CACNA1C: variants seen among roughly 807,000 people sequenced by gnomAD.
CACNA1C encodes the protein calcium voltage-gated channel subunit alpha1 C.
CACNA1C carries 30 observed loss-of-function variants against 229.0 expected under a neutral mutation model. The ratio of observed to expected loss-of-function variants is 0.13; its 90% CI spans 0.10 to 0.18. The LOEUF (loss-of-function observed/expected upper bound fraction) is 0.18. CACNA1C is among the 10% of genes least tolerant of loss of function. The probability of loss-of-function intolerance (pLI) is 1.00; values close to 1 mark genes in which losing one functional copy is unlikely to be tolerated. For synonymous variants in CACNA1C, 1,114 were observed against 1,132.5 expected (o/e 0.98, Z 0.33); for missense variants, 1,658 against 2,845.0 (o/e 0.58, Z 9.49).
intron 1 of CACNA1C, among the ~76,000 whole-genome samples, chr12:2,076,950 G>A (rs1477748317): frequency 6.6e-6 from 1 of 152,222 alleles, no homozygotes; most frequent in Non-Finnish European, 1.5e-5. Flanking sequence ...CCAGGAGAGG[G>A]CTGAAGCACT....
intron 3 of CACNA1C, among the ~76,000 whole-genome samples, chr12:2,447,264 T>A (rs2099307064): frequency 6.6e-6 from 1 of 152,178 alleles, no homozygotes; most frequent in South Asian, 2.1e-4. Flanking sequence ...CTGTGATTTG[T>A]TTGTGGTTCA....
intron 5 of CACNA1C, among the ~76,000 whole-genome samples, chr12:2,480,748 C>T (rs1361564866): frequency 6.6e-6 from 1 of 152,218 alleles, no homozygotes; most frequent in East Asian, 1.9e-4. Context: ...CTGATGAATT[C>T]TGTCATCAAG....
intron 1 of CACNA1C, among the ~76,000 whole-genome samples, chr12:2,030,104 G>A (rs528701534): frequency 4.6e-5 from 7 of 152,170 alleles, no homozygotes; most frequent in Non-Finnish European, 7.3e-5. Context: ...ATGTCATAAC[G>A]CGGATTACCA....
At chr12:2,115,105 C>A (rs1011690346) in intron 1 of CACNA1C, 119 bp from the exon 2 acceptor site, 1 of 779,202 alleles carries the variant, frequency 1.3e-6, no homozygotes, top group South Asian at 1.9e-5. Flanking sequence ...ACCTCCTAAC[C>A]GCCTGCAATA....
rs1555951183 is a variant in CACNA1C, at chr12:2,646,787, A to AGAGT, written c.3913-1686_3913-1683dup. On this transcript the variant is annotated intron_variant, in intron 30 of 46. Coordinates refer to ENST00000399655, the MANE Select transcript of CACNA1C (RefSeq NM_000719.7). This position sits in a 1 kb window ranked among gnomAD's most constrained non-coding sequence, Gnocchi z 4.6. ...GAGAGAAAGAGAGAGAGAGAGAGAGAGAGTGTGTGTGTGCGCGTGTGTGTG... is the reference window on the plus strand; with the variant it reads ...GAGAGAAAGAGAGAGAGAGAGAGAGAGAGTGAGTGTGTGTGTGCGCGTGTGTGTG... 2.2e-5 allele frequency among the ~76,000 whole-genome samples: 3 copies of AGAGT among 137,620 alleles called. No homozygotes were observed. The highest frequency in any genetic ancestry group is 3.1e-5 in the Non-Finnish European group (2 of 64,148). The allele number at this position is 137,620 out of a possible 152,430, so 90.3% of individuals were successfully genotyped here.
intron 9 of CACNA1C, among the ~76,000 whole-genome samples, chr12:2,522,241 A>G (rs996246722): frequency 2.0e-5 from 3 of 152,204 alleles, no homozygotes; most frequent in East Asian, 1.9e-4. Context: ...GTCTTGTTAT[A>G]TAGAAAGCTC....
chr12:2,284,052 C>A (rs546390425), intron 3 of CACNA1C, among the ~76,000 whole-genome samples: 2 of 152,122 alleles, frequency 1.3e-5, no homozygotes, highest in Non-Finnish European at 2.9e-5. Context: ...CAGCCAAGCA[C>A]GTCTTTCAAC....
intron 30 of CACNA1C, chr12:2,641,475 G>A (rs1468196512): frequency 1.8e-6 from 1 of 545,950 alleles, no homozygotes; most frequent in Non-Finnish European, 3.3e-6. Context: ...GGACAGCTGG[G>A]TGGGGCAGAG....
chr12:2,449,757 T>C (rs745557931), intron 4 of CACNA1C, among the ~76,000 whole-genome samples: 6 of 152,198 alleles, frequency 3.9e-5, no homozygotes, highest in Non-Finnish European at 5.9e-5. Context: ...TTAAGGACTT[T>C]CGTTTCATCT....
At chr12:2,033,375 C>T (rs922555692) in intron 1 of CACNA1C, among the ~76,000 whole-genome samples, 3 of 152,162 alleles carry the variant, frequency 2.0e-5, no homozygotes, top group African/African-American at 7.2e-5. Flanking sequence ...GCTCTGGCAT[C>T]CGACACCCTG....
At chr12:2,002,929 A>C (rs2042518299) in intron 1 of CACNA1C, among the ~76,000 whole-genome samples, 2 of 152,222 alleles carry the variant, frequency 1.3e-5, no homozygotes, top group Admixed American at 6.5e-5. Context: ...AAACAAAAAA[A>C]GTAGGTGACA....
At chr12:2,104,135 A>C (rs1441858793) in intron 1 of CACNA1C, among the ~76,000 whole-genome samples, 1 of 152,190 alleles carries the variant, frequency 6.6e-6, no homozygotes, top group East Asian at 1.9e-4. Flanking sequence ...TAGCTTGATA[A>C]GGATAGCATT....
chr12:2,558,788 T>C (rs929490), intron 11 of CACNA1C, among the ~76,000 whole-genome samples: 130,384 of 152,236 alleles, frequency 0.86, 56,228 homozygotes, highest in Non-Finnish European at 0.91. Context: ...CCACTTCTGA[T>C]ACCTTCTTTC....
intron 3 of CACNA1C, among the ~76,000 whole-genome samples, chr12:2,254,455 T>C (rs1221504034): frequency 1.3e-5 from 2 of 152,202 alleles, no homozygotes; most frequent in Non-Finnish European, 2.9e-5. Flanking sequence ...ATTTTCTGTT[T>C]TCCTCTTAGT....
At chr12:2,419,602 A>G (rs2098953346) in intron 3 of CACNA1C, among the ~76,000 whole-genome samples, 1 of 152,198 alleles carries the variant, frequency 6.6e-6, no homozygotes, top group Admixed American at 6.5e-5. Flanking sequence ...GGGCATAAGC[A>G]GGGGCCCCGC....
chr12:2,479,384 A>G lies in CACNA1C; in HGVS notation c.758-6720A>G, dbSNP rs1236879512. Among the ~76,000 whole-genome samples, 6 of 152,080 alleles carry G rather than the reference A, an allele frequency of 3.9e-5. No homozygotes were observed. Among genetic ancestry groups the G allele is most frequent in the African/African-American group, 1.4e-4 (6 of 41,422 alleles). ...CCTAAAGCCACTGTGCCTGGCCTTG[A>G]ACACCTGTCTTAAGAGAAATCTATT... is the stretch of plus-strand genomic sequence containing the variant. On this transcript the variant is annotated intron_variant, in intron 5 of 46. Transcript: ENST00000399655. The surrounding 1 kb of genome is among the most constrained non-coding windows in gnomAD (Gnocchi z 4.3).
intron 3 of CACNA1C, among the ~76,000 whole-genome samples, chr12:2,175,037 C>A (rs1031640716): frequency 9.2e-5 from 14 of 152,064 alleles, no homozygotes; most frequent in African/African-American, 2.9e-4. Flanking sequence ...TGTAAGTGAC[C>A]CACGCTGTTC....
rs2032050587 is a variant in CACNA1C, at chr12:1,971,048, A to G, written c.-15A>G. ...TTTAAAAATCAACCAATTAATATAC[A>G]TCTGGAAATTCACAATGCTTCGAGC... On this transcript the variant is annotated 5_prime_UTR_variant, in exon 1 of 47. Coordinates refer to the CACNA1C transcript ENST00000682462. The surrounding 1 kb of genome is among the most constrained non-coding windows in gnomAD (Gnocchi z 4.2). The G allele has an allele frequency of 7.8e-7, 1 of 1,280,986 alleles. No homozygotes were observed. Among genetic ancestry groups the G allele is most frequent in the Non-Finnish European group, 1.0e-6 (1 of 983,750 alleles). 79.4% of individuals were successfully genotyped at this position (1,280,986 alleles called of 1,614,324 possible). A position where few individuals can be genotyped will look rare whatever the true frequency, so the allele number is the denominator to read the frequency against.
chr12:2,091,775 T>C (rs1170637005), intron 1 of CACNA1C, among the ~76,000 whole-genome samples: 1 of 152,194 alleles, frequency 6.6e-6, no homozygotes, highest in African/African-American at 2.4e-5. Flanking sequence ...AAGGCAGGGG[T>C]AAGAGCATCT....
Sources: allele counts gnomAD v4.1 joint callset (sites outside exome capture counted in the v4.1 genomes callset), GRCh38; gene constraint gnomAD v4.1.1; non-coding constraint Gnocchi (gnomAD v3.1); transcripts MANE v1.5; gene names NCBI Gene and HGNC (gene_info 2026-07-23, HGNC 2026-07-21).